The following SLC24A2 variants were observed in gnomAD, a reference collection of about 807,000 sequenced individuals.
The protein encoded by SLC24A2 is solute carrier family 24 member 2, also known as sodium/potassium/calcium exchanger 2.
Under a neutral mutation model 62.0 loss-of-function variants are expected in SLC24A2, and 36 were observed. That is an observed-to-expected ratio of 0.58 (90% CI 0.44 to 0.77). The LOEUF is 0.77. SLC24A2 is among the 30% of genes least tolerant of loss of function. The probability of loss-of-function intolerance (pLI) is 0.00; values close to 1 mark genes in which losing one functional copy is unlikely to be tolerated. For missense variants in SLC24A2, 846 were observed against 817.9 expected, an observed-to-expected ratio of 1.03 and a Z score of -0.42; for synonymous variants, 358 against 294.0, an observed-to-expected ratio of 1.22 and a Z score of -2.23.
the SLC24A2 span, among the ~76,000 whole-genome samples, chr9:20,102,026 T>G: frequency 6.6e-6 from 1 of 152,342 alleles, no homozygotes; most frequent in South Asian, 2.1e-4. Context: ...TATCATTCTG[T>G]GCAAGCTCTT....
chr9:20,282,994 G>A, the SLC24A2 span, among the ~76,000 whole-genome samples: 1 of 152,224 alleles, frequency 6.6e-6, no homozygotes, highest in South Asian at 2.1e-4. Context: ...AACATGTTAA[G>A]ACTGTTAATA....
At chr9:19,554,641 A>T (rs1834994004) in intron 7 of SLC24A2, among the ~76,000 whole-genome samples, 1 of 152,184 alleles carries the variant, frequency 6.6e-6, no homozygotes, top group Non-Finnish European at 1.5e-5. Flanking sequence ...TGGCCAAAGG[A>T]TGTATTGGAA....
At chr9:19,546,932 G>C (rs1834607828) in intron 8 of SLC24A2, among the ~76,000 whole-genome samples, 1 of 152,118 alleles carries the variant, frequency 6.6e-6, no homozygotes, top group African/African-American at 2.4e-5. Context: ...CCCTTGGGTA[G>C]GGGAGAGAAT....
the SLC24A2 span, among the ~76,000 whole-genome samples, chr9:19,869,072 C>T: frequency 3.0e-4 from 46 of 152,106 alleles, no homozygotes; most frequent in Admixed American, 2.2e-3. Context: ...GCCTTGACCA[C>T]CTGGGCTCAA....
chr9:20,082,217 C>T, the SLC24A2 span, among the ~76,000 whole-genome samples: 1 of 152,210 alleles, frequency 6.6e-6, no homozygotes, highest in Non-Finnish European at 1.5e-5. Context: ...ATACCCTCAA[C>T]CAGAGTGCTT....
At chr9:19,933,357 G>C in the SLC24A2 span, among the ~76,000 whole-genome samples, 1 of 152,304 alleles carries the variant, frequency 6.6e-6, no homozygotes, top group African/African-American at 2.4e-5. Context: ...AAGAACTTCT[G>C]ATATCATCAC....
chr9:19,832,034 A>G, the SLC24A2 span, among the ~76,000 whole-genome samples: 4 of 152,220 alleles, frequency 2.6e-5, no homozygotes, highest in African/African-American at 9.6e-5. Context: ...TGAAGTCTGT[A>G]GTAGTGCAAT....
intron 7 of SLC24A2, among the ~76,000 whole-genome samples, chr9:19,567,174 G>GAA (rs55924253): frequency 1.4e-5 from 2 of 138,136 alleles, no homozygotes; most frequent in East Asian, 2.1e-4. Flanking sequence ...AAAGAATCTG[G>GAA]AAAAAAAAAA....
intron 2 of SLC24A2, among the ~76,000 whole-genome samples, chr9:19,630,557 C>T (rs1818152035): frequency 6.6e-6 from 1 of 152,096 alleles, no homozygotes; most frequent in Non-Finnish European, 1.5e-5. Flanking sequence ...ACAAACAATG[C>T]AGCCTCATTA....
At chr9:19,951,560 T>TAAG in the SLC24A2 span, among the ~76,000 whole-genome samples, 1 of 50,866 alleles carries the variant, frequency 2.0e-5, no homozygotes, top group African/African-American at 5.3e-5. Flanking sequence ...GGTCAAGATT[T>TAAG]ATTTTTTTTT....
At chr9:20,256,277 C>G in the SLC24A2 span, among the ~76,000 whole-genome samples, 5,826 of 152,198 alleles carry the variant, frequency 0.038, 161 homozygotes, top group South Asian at 0.064. Flanking sequence ...AAGGGAAGCT[C>G]AAGACTAATG....
At chr9:19,629,432 G>T (rs1349729837) in intron 2 of SLC24A2, among the ~76,000 whole-genome samples, 2 of 152,306 alleles carry the variant, frequency 1.3e-5, no homozygotes, top group East Asian at 3.8e-4. Flanking sequence ...TGTACAAAAA[G>T]CTAGTATCTG....
the SLC24A2 span, among the ~76,000 whole-genome samples, chr9:19,915,755 A>C: frequency 6.6e-6 from 1 of 152,012 alleles, no homozygotes; most frequent in South Asian, 2.1e-4. Context: ...ATCTATTCAC[A>C]TTCTTTGTCC....
intron 2 of SLC24A2, among the ~76,000 whole-genome samples, chr9:19,698,569 T>C (rs1310199680): frequency 6.6e-6 from 1 of 152,240 alleles, no homozygotes; most frequent in African/African-American, 2.4e-5. Context: ...TTTCATTTAC[T>C]CATCCCTTCA....
intron 2 of SLC24A2, among the ~76,000 whole-genome samples, chr9:19,641,162 C>T (rs113973994): frequency 0.015 from 2,300 of 152,346 alleles, 49 homozygotes; most frequent in African/African-American, 0.051. Context: ...TGCATATCTA[C>T]GTGACATCTC....
chr9:19,928,115 G>C, the SLC24A2 span: 6,543 of 152,460 alleles, frequency 0.043, 250 homozygotes, highest in East Asian at 0.2. Context: ...GTTACACAGA[G>C]AGAGTGAGGC....
chr9:20,081,927 G>C, the SLC24A2 span, among the ~76,000 whole-genome samples: 1 of 152,070 alleles, frequency 6.6e-6, no homozygotes, highest in Non-Finnish European at 1.5e-5. Flanking sequence ...GGATTGTATT[G>C]TAGCTTTGTT....
chr9:19,700,117 G>A (rs536982126), intron 2 of SLC24A2, among the ~76,000 whole-genome samples: 41 of 152,296 alleles, frequency 2.7e-4, no homozygotes, highest in African/African-American at 9.1e-4. Flanking sequence ...ATAAATGCAA[G>A]CTATGTCTCA....
At chr9:19,945,982 G>C in the SLC24A2 span, among the ~76,000 whole-genome samples, 2 of 152,172 alleles carry the variant, frequency 1.3e-5, no homozygotes, top group Non-Finnish European at 2.9e-5. Context: ...ATACAGTAGA[G>C]AAGATTGTCA....
Sources: gnomAD v4.1 joint callset for allele counts (sites outside exome capture counted in the v4.1 genomes callset) on GRCh38, gnomAD v4.1.1 for gene constraint, MANE v1.5 for transcripts, NCBI Gene and HGNC (gene_info 2026-07-23, HGNC 2026-07-21) for gene names.